The following CHST9 variants were observed in gnomAD, a reference collection of about 807,000 sequenced individuals.
The protein encoded by CHST9 is GalNAc-4-sulfotransferase 2.
In CHST9, 41 loss-of-function variants were observed where a neutral mutation model predicts 44.4. The observed-to-expected ratio is 0.92, with a 90% CI of 0.72 to 1.20. CHST9 has a LOEUF of 1.20. Ranked by LOEUF, CHST9 falls within the 50% of genes most tolerant of loss-of-function variation. The pLI, the probability that CHST9 is intolerant of heterozygous loss-of-function variation, is 0.00. For missense variants in CHST9, 504 were observed against 516.5 expected, an observed-to-expected ratio of 0.98 and a Z score of 0.23; for synonymous variants, 171 against 178.4, an observed-to-expected ratio of 0.96 and a Z score of 0.33.
At chr18:27,125,157 T>C (rs571503717) in intron 2 of CHST9, among the ~76,000 whole-genome samples, 2 of 152,310 alleles carry the variant, frequency 1.3e-5, no homozygotes, top group South Asian at 2.1e-4. Context: ...AATGAGAACA[T>C]ATTATGATGA....
At chr18:27,085,026 G>T (rs751080462) in intron 2 of CHST9, among the ~76,000 whole-genome samples, 1 of 151,920 alleles carries the variant, frequency 6.6e-6, no homozygotes, top group Non-Finnish European at 1.5e-5. Context: ...GTACGATTTT[G>T]GTTCTTATCT....
chr18:26,939,389 G>A lies in CHST9; in HGVS notation c.240+4940C>T, dbSNP rs569772398. Among the ~76,000 whole-genome samples the A allele has an allele frequency of 7.6e-4, 116 of 152,300 alleles. 1 individual carries two copies. Among genetic ancestry groups the A allele is most frequent in the African/African-American group, 2.7e-3 (114 of 41,570 alleles). ...TGGGAAATAAGTCTAGGAAGGTGGGGAGAATCCTCTCCAAAGGAGTACAAG... is the reference window on the plus strand; with the variant it reads ...TGGGAAATAAGTCTAGGAAGGTGGGAAGAATCCTCTCCAAAGGAGTACAAG... On this transcript the variant is annotated intron_variant, in intron 5 of 5. Coordinates refer to ENST00000618847, the MANE Select transcript of CHST9 (RefSeq NM_031422.6).
At chr18:26,969,777 T>C (rs1313089750) in intron 4 of CHST9, among the ~76,000 whole-genome samples, 1 of 152,222 alleles carries the variant, frequency 6.6e-6, no homozygotes, top group African/African-American at 2.4e-5. Context: ...GAAGATTTTC[T>C]GAGTGACATT....
intron 5 of CHST9, among the ~76,000 whole-genome samples, chr18:26,922,331 T>C (rs187855768): frequency 6.6e-6 from 1 of 152,318 alleles, no homozygotes; most frequent in African/African-American, 2.4e-5. Flanking sequence ...GTGATTCTAC[T>C]CCCTTTGAAA....
At chr18:27,042,968 C>A (rs2057462042) in intron 3 of CHST9, among the ~76,000 whole-genome samples, 2 of 152,122 alleles carry the variant, frequency 1.3e-5, no homozygotes, top group South Asian at 2.1e-4. Flanking sequence ...GTAGATATCT[C>A]CCTGCAACTC....
Position 27,048,513 on chromosome 18 carries a change from G to A in CHST9, c.122-10C>T. On this transcript the variant is annotated splice_polypyrimidine_tract_variant and intron_variant, in intron 2 of 5. Coordinates refer to ENST00000618847, the MANE Select transcript of CHST9 (RefSeq NM_031422.6). The stretch of plus-strand genomic sequence containing the variant: ...CTCTTCTCCACTCTCCCTGAAATGA[G>A]AAGTGGAAGATAAGTTACAGCATGG... 1 of 1,600,838 alleles carries A rather than the reference G, an allele frequency of 6.2e-7. No individual in the cohort carries two copies. The highest frequency in any genetic ancestry group is 8.5e-7 in the Non-Finnish European group (1 of 1,173,284).
chr18:26,919,331 GGAT>G (rs2055601995), intron 5 of CHST9, among the ~76,000 whole-genome samples: 1 of 152,136 alleles, frequency 6.6e-6, no homozygotes, highest in African/African-American at 2.4e-5. Context: ...GAGACTGCCA[GGAT>G]TACTTCAAAG....
At chr18:27,034,577 C>T (rs990972561) in intron 3 of CHST9, among the ~76,000 whole-genome samples, 7 of 152,202 alleles carry the variant, frequency 4.6e-5, no homozygotes, top group Admixed American at 1.3e-4. Context: ...AAGCTGCATG[C>T]TGCCACACGT....
chr18:27,090,347 C>T (rs1031152487), intron 2 of CHST9, among the ~76,000 whole-genome samples: 1 of 152,000 alleles, frequency 6.6e-6, no homozygotes, highest in African/African-American at 2.4e-5. Context: ...TGGATATTAG[C>T]CCTTTGTCAG....
intron 1 of CHST9, among the ~76,000 whole-genome samples, chr18:27,157,967 C>A (rs2058711022): frequency 6.6e-6 from 1 of 152,038 alleles, no homozygotes; most frequent in Non-Finnish European, 1.5e-5. Context: ...GCATATTGGA[C>A]TCATGCATTG....
At chr18:27,168,244 T>G (rs1401715348) in intron 1 of CHST9, among the ~76,000 whole-genome samples, 1 of 152,048 alleles carries the variant, frequency 6.6e-6, no homozygotes, top group Non-Finnish European at 1.5e-5. Context: ...CCGGCTAATT[T>G]TTTGTATTTT....
At chr18:27,106,548 G>T (rs117080989) in intron 2 of CHST9, among the ~76,000 whole-genome samples, 1,569 of 152,228 alleles carry the variant, frequency 0.01, 23 homozygotes, top group African/African-American at 0.033. Flanking sequence ...GTGTACTAAA[G>T]CTTTCCCCCT....
chr18:27,077,349 A>G (rs67249853), intron 2 of CHST9, among the ~76,000 whole-genome samples: 19,051 of 152,216 alleles, frequency 0.13, 1,289 homozygotes, highest in African/African-American at 0.18. Flanking sequence ...AAATGTTTAG[A>G]CTTTAATATA....
chr18:27,151,789 C>T (rs747373737), intron 1 of CHST9, among the ~76,000 whole-genome samples: 14 of 152,178 alleles, frequency 9.2e-5, no homozygotes, highest in Admixed American at 2.0e-4. Flanking sequence ...CCCAGAGCTA[C>T]AGAAGGGACC....
Position 27,142,789 on chromosome 18 carries a change from G to A in CHST9, c.21C>T (p.Val7=). Residue 7 remains valine, a synonymous_variant, in exon 2 of 6, where the codon GTC becomes GTT. Coordinates refer to ENST00000618847, the MANE Select transcript of CHST9 (RefSeq NM_031422.6). ...AGAGGAAGACTTGTTTGGGGTTCAT[G>A]ACCATTTCAGATGGCTGCATTTCTC... MQPSEM[V]MNPKQVFLSV... 6.2e-7 allele frequency: 1 copy of A among 1,609,942 alleles called. No individual in the cohort carries two copies. The highest frequency in any genetic ancestry group is 8.5e-7 in the Non-Finnish European group (1 of 1,178,442).
chr18:27,071,681 T>C (rs1308090864), intron 2 of CHST9, among the ~76,000 whole-genome samples: 1 of 152,202 alleles, frequency 6.6e-6, no homozygotes, highest in African/African-American at 2.4e-5. Flanking sequence ...ATCTGTATTA[T>C]CCTCATAAAT....
At chr18:27,104,819 T>C (rs926372597) in intron 2 of CHST9, among the ~76,000 whole-genome samples, 1 of 152,206 alleles carries the variant, frequency 6.6e-6, no homozygotes. Flanking sequence ...TTTCTTCTTT[T>C]TCATGCTTTC....
At chr18:27,087,860 T>C (rs2058028065) in intron 2 of CHST9, among the ~76,000 whole-genome samples, 1 of 151,394 alleles carries the variant, frequency 6.6e-6, no homozygotes, top group Non-Finnish European at 1.5e-5. Flanking sequence ...CCCGTACACT[T>C]GTTGGTCCTA....
chr18:27,128,501 C>T (rs2058444780), intron 2 of CHST9, among the ~76,000 whole-genome samples: 1 of 152,170 alleles, frequency 6.6e-6, no homozygotes, highest in African/African-American at 2.4e-5. Context: ...AACTCCTGAC[C>T]CCATGATCCA....
Sources: gnomAD v4.1 joint callset for allele counts (sites outside exome capture counted in the v4.1 genomes callset) on GRCh38, gnomAD v4.1.1 for gene constraint, MANE v1.5 for transcripts, NCBI Gene and HGNC (gene_info 2026-07-23, HGNC 2026-07-21) for gene names.